POLA1: variants seen among roughly 807,000 people sequenced by gnomAD.
POLA1 encodes the protein DNA polymerase alpha catalytic subunit.
POLA1 carries 15 observed loss-of-function variants against 124.0 expected under a neutral mutation model. The observed-to-expected ratio is 0.12, with a 90% CI of 0.08 to 0.19. The LOEUF is 0.19. Among genes scored for constraint, POLA1 ranks in the 10% least tolerant of loss-of-function variants. POLA1 has a pLI of 1.00. For missense variants in POLA1, 886 were observed against 1,103.4 expected (o/e 0.80, Z 2.79); for synonymous variants, 408 against 389.4 (o/e 1.05, Z -0.56).
At chrX:24,816,843 C>T (rs989158169) in intron 30 of POLA1, among the ~76,000 whole-genome samples, 2 of 111,271 alleles carry the variant, frequency 1.8e-5, no homozygotes, top group African/African-American at 3.3e-5. Context: ...AATGATGACA[C>T]AATATTACTA....
intron 36 of POLA1, among the ~76,000 whole-genome samples, chrX:24,978,838 A>G (rs1487492256): frequency 8.9e-6 from 1 of 112,122 alleles, no homozygotes; most frequent in East Asian, 2.8e-4. Context: ...GATATCCCCA[A>G]ACTTCCTTAA....
intron 36 of POLA1, among the ~76,000 whole-genome samples, chrX:24,948,683 A>G (rs1030797058): frequency 8.9e-6 from 1 of 112,744 alleles, no homozygotes; most frequent in African/African-American, 3.2e-5. Context: ...ATGCTTCAAT[A>G]TAATAGAAAC....
At position 24,743,252 on chromosome X, in the gene POLA1, A is replaced by G; in HGVS notation, c.2489A>G (p.Asp830Gly). 3.5e-6 allele frequency: 4 copies of G among 1,134,848 alleles called. No homozygotes were observed. Among genetic ancestry groups the G allele is most frequent in the South Asian group, 1.9e-5 (1 of 52,694 alleles). The allele number at this position is 1,134,848 out of a possible 1,213,427, so 93.5% of individuals were successfully genotyped here. Residue 830 changes from aspartate (D) to glycine (G), a missense_variant, in exon 23 of 37, where the codon GAT becomes GGT. This residue lies in a region of POLA1 where 182 missense variants were observed against 252.8 expected (regional missense o/e 0.72). Coordinates refer to ENST00000379068, the MANE Select transcript of POLA1 (RefSeq NM_001330360.2). ...TAGGGAGATGAAGATGAAGAAATTG[A>G]TGGAGATACCAATAAATACAAGAAA... is the stretch of plus-strand genomic sequence containing the variant. ...QKLGDEDEEI[D>G]GDTNKYKKGR...
At chrX:24,875,083 A>G (rs2046913708) in intron 34 of POLA1, among the ~76,000 whole-genome samples, 3 of 111,248 alleles carry the variant, frequency 2.7e-5, no homozygotes, top group Non-Finnish European at 5.6e-5. Context: ...TTCTAAACAA[A>G]TATATGTCAA....
chrX:24,737,584 A>G (rs912994021), intron 18 of POLA1, 41 bp from the exon 19 acceptor site: 2 of 657,911 alleles, frequency 3.0e-6, no homozygotes, highest in South Asian at 2.4e-5. Flanking sequence ...TCTAATTTGC[A>G]TTTGTTATAA....
chrX:24,927,378 T>A (rs1052449310), intron 35 of POLA1, among the ~76,000 whole-genome samples: 3 of 111,840 alleles, frequency 2.7e-5, no homozygotes, highest in Non-Finnish European at 5.6e-5. Flanking sequence ...TATTAAAGCA[T>A]TTTCCTTTTC....
At chrX:24,879,939 C>T (rs1005540723) in intron 34 of POLA1, among the ~76,000 whole-genome samples, 1 of 111,686 alleles carries the variant, frequency 9.0e-6, no homozygotes, top group Non-Finnish European at 1.9e-5. Flanking sequence ...CACAGTATAA[C>T]GAGAGAAGAT....
Position 24,849,533 on chromosome X carries a change from G to A in POLA1, c.4047+5856G>A, listed in dbSNP as rs184304177. Reference sequence around the variant, plus strand: ...CACCCAGGGTGGTGTGCAGTGGTACGATCATGGCTCACTGCAGCCTTGAAC... The same window carrying A: ...CACCCAGGGTGGTGTGCAGTGGTACAATCATGGCTCACTGCAGCCTTGAAC... On this transcript the variant is annotated intron_variant, in intron 34 of 36. Coordinates refer to ENST00000379068, the MANE Select transcript of POLA1 (RefSeq NM_001330360.2). Among the ~76,000 whole-genome samples, 4 of 110,704 alleles carry A rather than the reference G, an allele frequency of 3.6e-5. No homozygotes were observed. In the East Asian group the frequency reaches 8.5e-4, roughly 23 times the overall value.
At chrX:24,789,292 A>G (rs1228846583) in intron 26 of POLA1, among the ~76,000 whole-genome samples, 1 of 112,257 alleles carries the variant, frequency 8.9e-6, no homozygotes, top group Non-Finnish European at 1.9e-5. Context: ...GTTAGAACTA[A>G]TAAGTGAATT....
chrX:24,871,583 A>G (rs1306330816), intron 34 of POLA1, among the ~76,000 whole-genome samples: 3 of 110,389 alleles, frequency 2.7e-5, no homozygotes, highest in Admixed American at 9.6e-5. Context: ...CTTATGGGGA[A>G]CCTTATTTTT....
rs2048372958 is a variant in POLA1 at position 24,977,124 on chromosome X, C to T, written c.4262-18681C>T. On this transcript the variant is annotated intron_variant, in intron 36 of 36. Transcript: ENST00000379068. Reference sequence around the variant, plus strand: ...TCATCTGGGTATTGCCTTCACATATCACTTATTTCAGAGTCCCTGTGCCCT... The same window carrying T: ...TCATCTGGGTATTGCCTTCACATATTACTTATTTCAGAGTCCCTGTGCCCT... 3.6e-5 allele frequency among the ~76,000 whole-genome samples: 4 copies of T among 112,253 alleles called. No individual in the cohort carries two copies. The South Asian group carries it at 1.5e-3, about 42-fold the overall frequency.
intron 2 of POLA1, 116 bp from the exon 3 acceptor site, chrX:24,703,135 C>G (rs1266204181): frequency 2.1e-6 from 1 of 487,207 alleles, no homozygotes; most frequent in Non-Finnish European, 3.5e-6. Context: ...GATTTGGTTG[C>G]AGCTACTCCT....
In POLA1 at chrX:24,882,515, A is replaced by G. The variant is rs11094974; in HGVS notation, c.4048-5491A>G. On this transcript the variant is annotated intron_variant, in intron 34 of 36. Transcript: ENST00000379068. Reference sequence around the variant, plus strand: ...AGTCCCAGAATCTGTTCCCACCTTTATGTTCATGTGTACCCAATGTTTAGC... The same window carrying G: ...AGTCCCAGAATCTGTTCCCACCTTTGTGTTCATGTGTACCCAATGTTTAGC... Among the ~76,000 whole-genome samples the G allele has an allele frequency of 9.8e-3, 1,078 of 110,259 alleles. 7 individuals are homozygous for G. Among genetic ancestry groups the G allele is most frequent in the Middle Eastern group, 0.023 (5 of 213 alleles).
At chrX:24,840,471 C>T (rs1323554592) in intron 32 of POLA1, among the ~76,000 whole-genome samples, 2 of 111,633 alleles carry the variant, frequency 1.8e-5, no homozygotes, top group Non-Finnish European at 3.8e-5. Flanking sequence ...CTTTGTTTGG[C>T]CCCTTTCAAC....
chrX:24,827,337 C>T (rs2046188662), intron 32 of POLA1, among the ~76,000 whole-genome samples: 1 of 112,224 alleles, frequency 8.9e-6, no homozygotes, highest in South Asian at 3.7e-4. Context: ...CTTTTAAGGC[C>T]TTTCCTCTCT....
intron 36 of POLA1, among the ~76,000 whole-genome samples, chrX:24,961,568 C>A (rs189518569): frequency 4.5e-5 from 5 of 110,882 alleles, no homozygotes; most frequent in East Asian, 2.8e-4. Context: ...ATTTCCTCTT[C>A]GAGTGCCCAG....
intron 26 of POLA1, among the ~76,000 whole-genome samples, chrX:24,766,785 A>G (rs979109696): frequency 2.7e-5 from 3 of 111,727 alleles, no homozygotes; most frequent in Non-Finnish European, 5.6e-5. Flanking sequence ...TTTATTTTCT[A>G]AAATTATTCT....
intron 34 of POLA1, among the ~76,000 whole-genome samples, chrX:24,863,126 T>C (rs1309099435): frequency 8.9e-6 from 1 of 111,928 alleles, no homozygotes; most frequent in African/African-American, 3.2e-5. Context: ...AAAGGTAAAA[T>C]GTAATACATT....
chrX:24,992,138 G>T (rs897983072), intron 36 of POLA1, among the ~76,000 whole-genome samples: 3 of 111,877 alleles, frequency 2.7e-5, no homozygotes, highest in Non-Finnish European at 5.6e-5. Flanking sequence ...CAGTTATATG[G>T]ATCGATATTC....
Sources: gnomAD v4.1 joint callset for allele counts (sites outside exome capture counted in the v4.1 genomes callset) on GRCh38, gnomAD v4.1.1 for gene constraint, gnomAD v4.1.1 regional missense constraint, MANE v1.5 for transcripts, NCBI Gene and HGNC (gene_info 2026-07-23, HGNC 2026-07-21) for gene names.